The following GPC5 variants were observed in gnomAD, a reference collection of about 807,000 sequenced individuals.
GPC5 encodes glypican 5.
Under a neutral mutation model 53.9 loss-of-function variants are expected in GPC5, and 47 were observed. The ratio of observed to expected loss-of-function variants is 0.87; its 90% confidence interval spans 0.69 to 1.11. The LOEUF is 1.11. Among genes scored for constraint, GPC5 ranks in the 50% most tolerant of loss-of-function variants. The pLI, the probability that GPC5 is intolerant of heterozygous loss-of-function variation, is 0.00. For synonymous variants in GPC5, 286 were observed against 263.3 expected, an observed-to-expected ratio of 1.09 and a Z score of -0.84; for missense variants, 748 against 713.1, an observed-to-expected ratio of 1.05 and a Z score of -0.56.
chr13:91,672,633 T>C (rs2035277094), intron 2 of GPC5, among the ~76,000 whole-genome samples: 1 of 152,216 alleles, frequency 6.6e-6, no homozygotes, highest in South Asian at 2.1e-4. Context: ...ACACTGTTGA[T>C]GGAAATGTAA....
At chr13:91,418,978 C>G (rs1407836024) in intron 1 of GPC5, among the ~76,000 whole-genome samples, 1 of 151,982 alleles carries the variant, frequency 6.6e-6, no homozygotes, top group Non-Finnish European at 1.5e-5. Context: ...AAGGTGCATA[C>G]TGACCTTGCA....
chr13:92,853,783 T>C (rs888371426), intron 7 of GPC5, among the ~76,000 whole-genome samples: 5 of 152,082 alleles, frequency 3.3e-5, no homozygotes, highest in African/African-American at 1.2e-4. Flanking sequence ...TTCAAGAACA[T>C]TTCCCCAAAT....
At chr13:92,292,994 C>A (rs895079328) in intron 7 of GPC5, among the ~76,000 whole-genome samples, 1 of 151,790 alleles carries the variant, frequency 6.6e-6, no homozygotes, top group African/African-American at 2.4e-5. Context: ...GGGTTTATTT[C>A]TTGGTGGTCT....
chr13:92,829,330 G>A (rs761767278), intron 7 of GPC5, among the ~76,000 whole-genome samples: 5 of 152,150 alleles, frequency 3.3e-5, no homozygotes, highest in Non-Finnish European at 7.4e-5. Flanking sequence ...CCATAAAGGT[G>A]ACAAGTCAAA....
At chr13:92,046,524 G>A (rs1436351284) in intron 6 of GPC5, among the ~76,000 whole-genome samples, 4 of 152,172 alleles carry the variant, frequency 2.6e-5, no homozygotes, top group African/African-American at 9.6e-5. Flanking sequence ...GGAAACAAAT[G>A]TTCTTGTTTC....
chr13:92,194,057 G>A (rs2042241512), intron 7 of GPC5, among the ~76,000 whole-genome samples: 1 of 152,144 alleles, frequency 6.6e-6, no homozygotes, highest in Non-Finnish European at 1.5e-5. Context: ...TTATACGAAT[G>A]AAAGGAAAGA....
intron 6 of GPC5, among the ~76,000 whole-genome samples, chr13:92,128,570 C>T (rs2041718428): frequency 6.6e-6 from 1 of 152,174 alleles, no homozygotes; most frequent in African/African-American, 2.4e-5. Context: ...GACATTTTTA[C>T]TTCATTACTC....
intron 2 of GPC5, among the ~76,000 whole-genome samples, chr13:91,560,704 TA>T (rs1350965156): frequency 6.6e-6 from 1 of 152,000 alleles, no homozygotes; most frequent in African/African-American, 2.4e-5. Flanking sequence ...TTTCCTAGAC[TA>T]GCCAGATTTT....
intron 5 of GPC5, among the ~76,000 whole-genome samples, chr13:91,832,759 T>G (rs1042488349): frequency 2.0e-5 from 3 of 152,082 alleles, no homozygotes; most frequent in African/African-American, 7.2e-5. Context: ...AGAGGGAAAT[T>G]TATAGCACTA....
intron 5 of GPC5, among the ~76,000 whole-genome samples, chr13:91,885,149 A>C (rs943913500): frequency 1.3e-5 from 2 of 152,150 alleles, no homozygotes; most frequent in African/African-American, 4.8e-5. Context: ...TATTTTTCTA[A>C]TATGTACCCA....
chr13:92,849,783 T>TA (rs549776649), intron 7 of GPC5, among the ~76,000 whole-genome samples: 124 of 152,368 alleles, frequency 8.1e-4, no homozygotes, highest in African/African-American at 2.8e-3. Flanking sequence ...CAATTCTTAA[T>TA]ATTCCAACCA....
At chr13:92,442,606 G>T (rs535364232) in intron 7 of GPC5, among the ~76,000 whole-genome samples, 1 of 152,144 alleles carries the variant, frequency 6.6e-6, no homozygotes, top group South Asian at 2.1e-4. Context: ...GATAAGAATG[G>T]TACTAAGAAA....
At chr13:91,664,920 C>T (rs1366507426) in intron 2 of GPC5, among the ~76,000 whole-genome samples, 1 of 152,220 alleles carries the variant, frequency 6.6e-6, no homozygotes, top group Non-Finnish European at 1.5e-5. Flanking sequence ...GAGCTGGAAG[C>T]TTCCCACTTC....
intron 7 of GPC5, among the ~76,000 whole-genome samples, chr13:92,397,455 A>G (rs1354214054): frequency 1.3e-5 from 2 of 152,248 alleles, no homozygotes; most frequent in Non-Finnish European, 2.9e-5. Flanking sequence ...CTGTGAGTCC[A>G]TTAAACTTTT....
chr13:91,820,104 G>A (rs1033998909), intron 5 of GPC5, among the ~76,000 whole-genome samples: 3 of 151,774 alleles, frequency 2.0e-5, no homozygotes, highest in Admixed American at 6.6e-5. Flanking sequence ...GTCATTGTTG[G>A]TGGTGGTGGT....
At chr13:91,579,070 T>G (rs141852300) in intron 2 of GPC5, among the ~76,000 whole-genome samples, 1 of 152,180 alleles carries the variant, frequency 6.6e-6, no homozygotes, top group East Asian at 1.9e-4. Context: ...AATTAATAAA[T>G]TTTAAAGGTT....
At chr13:91,650,677 C>G (rs1436898202) in intron 2 of GPC5, among the ~76,000 whole-genome samples, 1 of 149,754 alleles carries the variant, frequency 6.7e-6, no homozygotes, top group African/African-American at 2.5e-5. Flanking sequence ...TTATCACTGA[C>G]TACTCATATT....
chr13:91,561,323 T>C (rs2031249326), intron 2 of GPC5, among the ~76,000 whole-genome samples: 1 of 152,104 alleles, frequency 6.6e-6, no homozygotes, highest in South Asian at 2.1e-4. Flanking sequence ...CCCCTGGAAT[T>C]TCACTTAACT....
At chr13:92,296,974 C>T (rs895305576) in intron 7 of GPC5, among the ~76,000 whole-genome samples, 4 of 152,316 alleles carry the variant, frequency 2.6e-5, no homozygotes, top group African/African-American at 7.2e-5. Flanking sequence ...CTGTGTGGCC[C>T]GAGCCTCCCC....
Sources: gnomAD v4.1 joint callset for allele counts (sites outside exome capture counted in the v4.1 genomes callset) on GRCh38, gnomAD v4.1.1 for gene constraint, MANE v1.5 for transcripts, NCBI Gene and HGNC (gene_info 2026-07-23, HGNC 2026-07-21) for gene names.